Variants in EMILIN2 observed in about 807,000 individuals in gnomAD.
EMILIN2 encodes the protein elastin microfibril interfacer 2, also known as EMILIN-2.
In EMILIN2, 71 loss-of-function variants were observed where a neutral mutation model predicts 87.1. The observed-to-expected ratio is 0.82, with a 90% CI of 0.67 to 0.99. EMILIN2 has a LOEUF of 0.99. Ranked by LOEUF, EMILIN2 falls within the 50% of genes least tolerant of loss-of-function variation. EMILIN2 has a pLI of 0.00. For missense variants in EMILIN2, 1,407 were observed against 1,371.8 expected, an observed-to-expected ratio of 1.03 and a Z score of -0.40; for synonymous variants, 581 against 563.4, an observed-to-expected ratio of 1.03 and a Z score of -0.44.
At chr18:2,887,633 C>A (rs1231129636) in intron 3 of EMILIN2, among the ~76,000 whole-genome samples, 3 of 152,116 alleles carry the variant, frequency 2.0e-5, no homozygotes, top group African/African-American at 7.2e-5. Flanking sequence ...TTCCTGAGGT[C>A]CTGACCAGAA....
At chr18:2,864,068 G>T (rs1294890682) in intron 2 of EMILIN2, among the ~76,000 whole-genome samples, 3 of 151,978 alleles carry the variant, frequency 2.0e-5, no homozygotes, top group Non-Finnish European at 2.9e-5. Flanking sequence ...TTTTCCATTT[G>T]CTTGGTAGAT....
rs1568454098 is a variant in EMILIN2, at chr18:2,858,565, ATATATGTG to A, written c.257+10636_257+10643del. On this transcript the variant is annotated intron_variant, in intron 2 of 7. Transcript: ENST00000254528. The stretch of plus-strand genomic sequence containing the variant: ...TATATATATATATATATATATATAT[ATATATGTG>A]TGTGTGTGTGTATATATATATATAT... 1.8e-4 allele frequency among the ~76,000 whole-genome samples: 12 copies of A among 67,784 alleles called. 1 individual carries two copies. Among genetic ancestry groups the A allele is most frequent in the South Asian group, 5.7e-4 (1 of 1,758 alleles). The allele number at this position is 67,784 out of a possible 152,430, so 44.5% of individuals were successfully genotyped here. A position where few individuals can be genotyped will look rare whatever the true frequency, so the allele number is the denominator to read the frequency against.
chr18:2,868,078 C>T (rs1373914676), intron 2 of EMILIN2, among the ~76,000 whole-genome samples: 1 of 152,240 alleles, frequency 6.6e-6, no homozygotes, highest in East Asian at 1.9e-4. Context: ...CCTCACTTCT[C>T]AGATGGAGCG....
intron 4 of EMILIN2, among the ~76,000 whole-genome samples, chr18:2,895,502 C>T (rs186452825): frequency 3.0e-4 from 45 of 152,312 alleles, no homozygotes; most frequent in African/African-American, 9.6e-4. Context: ...TCAGGAACCC[C>T]GGCAGGGCTT....
chr18:2,888,640 A>G (rs1784755), intron 3 of EMILIN2, among the ~76,000 whole-genome samples: 150,389 of 150,674 alleles, frequency 1, 75,054 homozygotes, highest in Middle Eastern at 1. Context: ...GCGTGAACCC[A>G]AGAGGCAGAG....
intron 2 of EMILIN2, among the ~76,000 whole-genome samples, chr18:2,873,106 T>C (rs1024673359): frequency 3.9e-4 from 59 of 151,176 alleles, no homozygotes; most frequent in African/African-American, 1.3e-3. Context: ...GCAAGCCACC[T>C]ATATTTAACA....
At position 2,913,062 on chromosome 18, in the gene EMILIN2, C is replaced by T. The variant is rs769488552; in HGVS notation, c.2825-5C>T. The T allele has an allele frequency of 2.3e-5, 37 of 1,607,074 alleles. No individual in the cohort carries two copies. The highest frequency in any genetic ancestry group is 1.7e-4 in the Middle Eastern group (1 of 6,048). ...TGAGCACAGGGTTTGCCTTTCTCCCCGCAGGGGTCTTCACGGCTCCTTATG... is the reference window on the plus strand; with the variant it reads ...TGAGCACAGGGTTTGCCTTTCTCCCTGCAGGGGTCTTCACGGCTCCTTATG... On this transcript the variant is annotated splice_polypyrimidine_tract_variant and splice_region_variant and intron_variant, in intron 7 of 7. Transcript: ENST00000254528.
chr18:2,883,857 G>A (rs1017287671), intron 2 of EMILIN2, among the ~76,000 whole-genome samples: 3 of 152,252 alleles, frequency 2.0e-5, no homozygotes, highest in Non-Finnish European at 2.9e-5. Context: ...GCTGCCATCT[G>A]CAAAAGCTGG....
intron 2 of EMILIN2, among the ~76,000 whole-genome samples, chr18:2,859,452 G>T (rs1293844465): frequency 6.6e-6 from 1 of 152,166 alleles, no homozygotes; most frequent in Non-Finnish European, 1.5e-5. Flanking sequence ...TGAGTTTGCT[G>T]TAGATTCTGG....
chr18:2,890,998 G>A lies in EMILIN2; in HGVS notation c.871G>A (p.Glu291Lys), dbSNP rs761720372. ...GCTGGATGGAAAAGTGAAGGGCTAC[G>A]AAGGGCAGCTCAGACAGCTCCAGGA... is the stretch of plus-strand genomic sequence containing the variant. ...EELDGKVKGY[E>K]GQLRQLQEAA... The change falls in exon 4 of 8, where the codon GAA becomes AAA. Residue 291 changes from glutamate to lysine, a missense_variant. Transcript: ENST00000254528. This position sits in a 1 kb window ranked among gnomAD's most constrained non-coding sequence, Gnocchi z 4.7. 1.2e-5 allele frequency: 19 copies of A among 1,614,114 alleles called. No individual in the cohort carries two copies. Among genetic ancestry groups the A allele is most frequent in the Admixed American group, 3.3e-5 (2 of 60,002 alleles).
intron 4 of EMILIN2, among the ~76,000 whole-genome samples, chr18:2,900,338 T>TTACC (rs1320696159): frequency 6.6e-6 from 1 of 152,150 alleles, no homozygotes; most frequent in African/African-American, 2.4e-5. Context: ...CAAGCACACA[T>TTACC]TACCATGCCC....
intron 2 of EMILIN2, among the ~76,000 whole-genome samples, chr18:2,871,861 GTAAA>G (rs1307618220): frequency 6.6e-6 from 1 of 152,146 alleles, no homozygotes; most frequent in Non-Finnish European, 1.5e-5. Flanking sequence ...TTGCCTTATG[GTAAA>G]TAAATACATT....
chr18:2,900,636 G>A (rs2076884232), intron 4 of EMILIN2, among the ~76,000 whole-genome samples: 1 of 150,472 alleles, frequency 6.6e-6, no homozygotes, highest in Non-Finnish European at 1.5e-5. Flanking sequence ...GAGACCAACT[G>A]TTTCTTCGAA....
rs1434873775 is a variant in EMILIN2, at chr18:2,885,114, T to A, written c.408T>A (p.Pro136=). Residue 136 remains proline (P), a synonymous_variant, in exon 3 of 8, where the codon CCT becomes CCA. Transcript: ENST00000254528. ...CCCTCCGCCCCACGCCGGCTCGGCC[T>A]CGAAACAGCTTGAAGAAAGCCACAG... ...VKTLRPTPAR[P]RNSLKKATDN... is the part of the protein sequence containing the mutation. 6.2e-7 allele frequency: 1 copy of A among 1,609,050 alleles called. No homozygotes were observed. Among genetic ancestry groups the A allele is most frequent in the Admixed American group, 1.7e-5 (1 of 58,758 alleles).
At chr18:2,866,918 T>C (rs1397601517) in intron 2 of EMILIN2, among the ~76,000 whole-genome samples, 1 of 152,240 alleles carries the variant, frequency 6.6e-6, no homozygotes, top group Non-Finnish European at 1.5e-5. Context: ...CAATGCTGGA[T>C]TTTATTAAAT....
At position 2,847,866 on chromosome 18, in the gene EMILIN2, TGA is replaced by T; in HGVS notation, c.196_197del (p.Ser66PhefsTer28). On this transcript the variant is annotated frameshift_variant, in exon 2 of 8. Coordinates refer to ENST00000254528, the MANE Select transcript of EMILIN2 (RefSeq NM_032048.3). LOFTEE classifies it high-confidence loss of function. The surrounding 1 kb of genome is among the most constrained non-coding windows in gnomAD (Gnocchi z 4.5). ...NVSCSVLEGS[E>X]SFIQAQYNCA... ...TGAGCTGCTCCGTGCTGGAGGGAAGTGAGAGTTTTATTCAGGCTCAGTACAAC... is the reference window on the plus strand; with the variant it reads ...TGAGCTGCTCCGTGCTGGAGGGAAGTGAGTTTTATTCAGGCTCAGTACAAC... The T allele has an allele frequency of 1.2e-6, 2 of 1,613,484 alleles. No individual in the cohort carries two copies. Among genetic ancestry groups the T allele is most frequent in the Non-Finnish European group, 1.7e-6 (2 of 1,179,778 alleles).
Position 2,878,980 on chromosome 18 carries a change from C to T in EMILIN2, c.258-5984C>T, listed in dbSNP as rs76294560. 4.9e-3 allele frequency among the ~76,000 whole-genome samples: 744 copies of T among 152,252 alleles called. 7 individuals carry two copies. Among genetic ancestry groups the T allele is most frequent in the African/African-American group, 0.017 (706 of 41,544 alleles). Reference sequence around the variant, plus strand: ...TTTAGTAGCCTGTGTCAAAATAAAACCCAGGTCAGTGCTGTAAACACAAGG... The same window carrying T: ...TTTAGTAGCCTGTGTCAAAATAAAATCCAGGTCAGTGCTGTAAACACAAGG... On this transcript the variant is annotated intron_variant, in intron 2 of 7. Transcript: ENST00000254528.
Position 2,891,252 on chromosome 18 carries a change from C to T in EMILIN2, c.1125C>T (p.Ser375=), listed in dbSNP as rs1285464413. 6.2e-7 allele frequency: 1 copy of T among 1,614,044 alleles called. No homozygotes were observed. Among genetic ancestry groups the T allele is most frequent in the Non-Finnish European group, 8.5e-7 (1 of 1,180,056 alleles). The change falls in exon 4 of 8, where the codon AGC becomes AGT. Residue 375 remains serine, a synonymous_variant. Transcript: ENST00000254528. This position sits in a 1 kb window ranked among gnomAD's most constrained non-coding sequence, Gnocchi z 4.6. ...AGCTCATAGGGGAGAAGGAAACAAG[C>T]CTGAGAAAAGAAATAAATAACCTCC... ...VIELIGEKET[S]LRKEINNLRA...
intron 2 of EMILIN2, among the ~76,000 whole-genome samples, chr18:2,867,185 G>A (rs1423348216): frequency 1.3e-5 from 2 of 151,984 alleles, no homozygotes; most frequent in African/African-American, 4.8e-5. Flanking sequence ...TCCTGGTTTT[G>A]GTATTAGGAG....
Sources: allele counts gnomAD v4.1 joint callset (sites outside exome capture counted in the v4.1 genomes callset), GRCh38; gene constraint gnomAD v4.1.1; non-coding constraint Gnocchi (gnomAD v3.1); transcripts MANE v1.5; gene names NCBI Gene and HGNC (gene_info 2026-07-23, HGNC 2026-07-21).